The following CLIC5 variants were observed in gnomAD, a reference collection of about 807,000 sequenced individuals.
CLIC5 encodes chloride intracellular channel protein 5.
A neutral mutation model predicts 24.7 loss-of-function variants in CLIC5; 20 were observed. The observed-to-expected ratio is 0.81, with a 90% confidence interval of 0.57 to 1.18. The LOEUF (loss-of-function observed/expected upper bound fraction) is 1.18, where lower values mean the gene tolerates loss of function less well. Among genes scored for constraint, CLIC5 ranks in the 50% most tolerant of loss-of-function variants. The pLI, the probability that CLIC5 is intolerant of heterozygous loss-of-function variation, is 0.00. For synonymous variants in CLIC5, 159 were observed against 135.6 expected (o/e 1.17, Z -1.20); for missense variants, 341 against 326.1 (o/e 1.05, Z -0.35).
chr6:46,046,361 C>T (rs1231971276), intron 1 of CLIC5, among the ~76,000 whole-genome samples: 1 of 152,180 alleles, frequency 6.6e-6, no homozygotes, highest in East Asian at 1.9e-4. Context: ...CTCATCAATT[C>T]CACCTCAATG....
At position 45,899,888 on chromosome 6, in the gene CLIC5, A is replaced by G. The variant is rs971080064; in HGVS notation, c.*3200T>C. The G allele has an allele frequency of 6.6e-6, 1 of 151,968 alleles. No individual in the cohort carries two copies. Among genetic ancestry groups the G allele is most frequent in the African/African-American group, 2.4e-5 (1 of 41,344 alleles). 9.4% of individuals were successfully genotyped at this position (151,968 alleles called of 1,614,324 possible). ...ATCGTGTGGCCAAATAAGCTGATGG[A>G]CTCTGTTTCCGACATTTCAGCTCAT... is the stretch of plus-strand genomic sequence containing the variant. On this transcript the variant is annotated 3_prime_UTR_variant, in exon 6 of 6. Coordinates refer to ENST00000339561, the MANE Select transcript of CLIC5 (RefSeq NM_016929.5).
the CLIC5 span, chr6:46,129,788 A>T: frequency 6.6e-6 from 1 of 152,212 alleles, no homozygotes; most frequent in Non-Finnish European, 1.5e-5. Context: ...ATGATACGAA[A>T]AGTGCGTGGT....
chr6:45,989,877 G>A lies in CLIC5; in HGVS notation c.63+25603C>T, dbSNP rs142577407. Among the ~76,000 whole-genome samples, 827 of 152,240 alleles carry A rather than the reference G, an allele frequency of 5.4e-3. 22 individuals are homozygous for A. Among genetic ancestry groups the A allele is most frequent in the Middle Eastern group, 6.8e-3 (2 of 294 alleles). On this transcript the variant is annotated intron_variant, in intron 1 of 5. Coordinates refer to ENST00000339561, the MANE Select transcript of CLIC5 (RefSeq NM_016929.5). ...TAAACTCTGGGTCTAACTCCTGGGT[G>A]TTTCTGTGTATCTATGATGGGATTC... is the stretch of plus-strand genomic sequence containing the variant.
At chr6:45,999,365 G>T (rs993479267) in intron 1 of CLIC5, among the ~76,000 whole-genome samples, 1 of 152,022 alleles carries the variant, frequency 6.6e-6, no homozygotes, top group East Asian at 1.9e-4. Flanking sequence ...TCATTTGCTG[G>T]GTATATGGTG....
chr6:46,111,917 T>C, the CLIC5 span, among the ~76,000 whole-genome samples: 1 of 152,130 alleles, frequency 6.6e-6, no homozygotes, highest in South Asian at 2.1e-4. Context: ...TTCTCTCTTG[T>C]CTGCCACTAT....
chr6:45,983,549 G>A (rs1479174381), intron 1 of CLIC5, among the ~76,000 whole-genome samples: 1 of 152,180 alleles, frequency 6.6e-6, no homozygotes, highest in African/African-American at 2.4e-5. Context: ...ACGGCCTTAG[G>A]AGTTACAGAC....
chr6:45,890,163 A>G (rs1762336938), intron 6 of CLIC5, among the ~76,000 whole-genome samples: 1 of 152,160 alleles, frequency 6.6e-6, no homozygotes. Context: ...TAATTTGCAA[A>G]TATTTTCTCC....
At chr6:46,049,203 T>C (rs905336612) in intron 1 of CLIC5, among the ~76,000 whole-genome samples, 4 of 152,198 alleles carry the variant, frequency 2.6e-5, no homozygotes, top group African/African-American at 9.7e-5. Flanking sequence ...ATCTCTTTCA[T>C]AATCATCTTT....
the CLIC5 span, among the ~76,000 whole-genome samples, chr6:46,108,815 C>G: frequency 6.6e-6 from 1 of 152,000 alleles, no homozygotes; most frequent in East Asian, 1.9e-4. Context: ...TTTTCAGTGA[C>G]TTGTGTTCCC....
upstream of CLIC5, among the ~76,000 whole-genome samples, chr6:46,081,178 A>C (rs994708451): frequency 4.6e-5 from 7 of 152,236 alleles, no homozygotes; most frequent in African/African-American, 1.7e-4. Flanking sequence ...AAAAAATTGT[A>C]TGCACAAGGC....
At chr6:46,041,430 A>G (rs1027248359) in intron 1 of CLIC5, among the ~76,000 whole-genome samples, 1 of 152,112 alleles carries the variant, frequency 6.6e-6, no homozygotes, top group Non-Finnish European at 1.5e-5. Flanking sequence ...CTGGCTCCTA[A>G]CTAACTAATA....
At chr6:46,003,201 T>A (rs1766422684) in intron 1 of CLIC5, among the ~76,000 whole-genome samples, 1 of 152,232 alleles carries the variant, frequency 6.6e-6, no homozygotes, top group Non-Finnish European at 1.5e-5. Flanking sequence ...GTTGCTATTA[T>A]TCAATTTCCA....
intron 1 of CLIC5, among the ~76,000 whole-genome samples, chr6:46,058,732 T>C (rs1427461908): frequency 1.3e-5 from 2 of 152,204 alleles, no homozygotes; most frequent in African/African-American, 4.8e-5. Flanking sequence ...CTGGTATGGC[T>C]TCTTGTACTA....
intron 1 of CLIC5, among the ~76,000 whole-genome samples, chr6:46,075,052 A>G (rs538532902): frequency 6.6e-6 from 1 of 152,346 alleles, no homozygotes; most frequent in South Asian, 2.1e-4. Context: ...TATCACAATA[A>G]GTAATAATTT....
At chr6:45,966,482 G>A (rs1162944365) in intron 1 of CLIC5, among the ~76,000 whole-genome samples, 1 of 152,070 alleles carries the variant, frequency 6.6e-6, no homozygotes, top group Admixed American at 6.6e-5. Flanking sequence ...GCCCACAGTG[G>A]GAGATGTCCA....
chr6:46,048,742 C>T (rs147007623), intron 1 of CLIC5, among the ~76,000 whole-genome samples: 3 of 152,206 alleles, frequency 2.0e-5, no homozygotes, highest in African/African-American at 7.2e-5. Flanking sequence ...TATAGTTTAA[C>T]CAGTGAGAAG....
chr6:46,067,210 C>A, intron 1 of CLIC5, among the ~76,000 whole-genome samples: 1 of 151,972 alleles, frequency 6.6e-6, no homozygotes, highest in South Asian at 2.1e-4. Context: ...TTACCGAGTC[C>A]CCACTACAAC....
chr6:46,038,650 G>T (rs1212500958), intron 1 of CLIC5, among the ~76,000 whole-genome samples: 1 of 152,230 alleles, frequency 6.6e-6, no homozygotes, highest in African/African-American at 2.4e-5. Flanking sequence ...GGCTCAGCCA[G>T]ACTTAATCTA....
intron 1 of CLIC5, among the ~76,000 whole-genome samples, chr6:46,033,058 A>G (rs1382354941): frequency 1.6e-5 from 2 of 125,620 alleles, no homozygotes; most frequent in African/African-American, 6.3e-5. Context: ...GCGTGATCTT[A>G]GCTCACTGCA....
Sources: gnomAD v4.1 joint callset for allele counts (sites outside exome capture counted in the v4.1 genomes callset) on GRCh38, gnomAD v4.1.1 for gene constraint, MANE v1.5 for transcripts, NCBI Gene and HGNC (gene_info 2026-07-23, HGNC 2026-07-21) for gene names.